ANKRD17: variants seen among roughly 807,000 people sequenced by gnomAD.
ANKRD17 encodes the protein ankyrin repeat domain 17.
A neutral mutation model predicts 229.7 loss-of-function variants in ANKRD17; 19 were observed. The observed-to-expected ratio is 0.08, with a 90% CI of 0.06 to 0.12. ANKRD17 has a LOEUF of 0.12. Among genes scored for constraint, ANKRD17 ranks in the 10% least tolerant of loss-of-function variants. The probability of loss-of-function intolerance (pLI) is 1.00; values close to 1 mark genes in which losing one functional copy is unlikely to be tolerated. For synonymous variants in ANKRD17, 1,112 were observed against 1,146.1 expected (o/e 0.97, Z 0.60); for missense variants, 2,176 against 3,176.8 (o/e 0.68, Z 7.57).
At chr4:73,180,372 C>A (rs1173637255) in intron 1 of ANKRD17, among the ~76,000 whole-genome samples, 1 of 152,106 alleles carries the variant, frequency 6.6e-6, no homozygotes, top group Admixed American at 6.6e-5. Flanking sequence ...GAAGTTAGAT[C>A]ACAGAAGATA....
intron 9 of ANKRD17, 145 bp from the exon 10 acceptor site, chr4:73,147,018 T>C (rs1021051515): frequency 7.5e-6 from 6 of 800,006 alleles, no homozygotes; most frequent in Non-Finnish European, 1.1e-5. Flanking sequence ...CAGAGAATAT[T>C]GTAGGCATTA....
intron 25 of ANKRD17, chr4:73,098,786 C>T: frequency 7.4e-7 from 1 of 1,349,004 alleles, no homozygotes. Context: ...GCCATTCCAG[C>T]CATCAATCTT....
chr4:73,258,365 C>T lies in ANKRD17; in HGVS notation c.304G>A (p.Gly102Ser). The T allele has an allele frequency of 1.9e-6, 3 of 1,567,930 alleles. No homozygotes were observed. The highest frequency in any genetic ancestry group is 1.7e-6 in the Non-Finnish European group (2 of 1,150,366). Residue 102 changes from glycine to serine, a missense_variant, in exon 1 of 34, where the codon GGT (glycine) becomes AGT (serine). Physicochemically the swap from Gly to Ser is moderately conservative, Grantham distance 56. Coordinates refer to ENST00000358602, the MANE Select transcript of ANKRD17 (RefSeq NM_032217.5). ...CCGCCGCCGCCACCTCCGCCTCCAC[C>T]GCCGCCTCCACCGCCGCCGCTGTTG... ...SDNSGGGGGG[G>S]GGGGGGGGTS...
At chr4:73,229,286 A>G (rs1742815823) in intron 1 of ANKRD17, among the ~76,000 whole-genome samples, 1 of 152,180 alleles carries the variant, frequency 6.6e-6, no homozygotes, top group Non-Finnish European at 1.5e-5. Flanking sequence ...GTATAATAAA[A>G]TAAAATAAAA....
intron 18 of ANKRD17, among the ~76,000 whole-genome samples, chr4:73,123,382 T>C (rs1727008907): frequency 6.6e-6 from 1 of 152,086 alleles, no homozygotes; most frequent in South Asian, 2.1e-4. Flanking sequence ...ATTTGGCTTA[T>C]AATACTTTTA....
At chr4:73,078,315 T>A (rs1040947670) in intron 31 of ANKRD17, among the ~76,000 whole-genome samples, 1 of 151,862 alleles carries the variant, frequency 6.6e-6, no homozygotes, top group Non-Finnish European at 1.5e-5. Context: ...AGGCGGAGCT[T>A]GCAGTGAGCA....
intron 22 of ANKRD17, among the ~76,000 whole-genome samples, chr4:73,117,896 A>G (rs1468436824): frequency 6.6e-6 from 1 of 152,236 alleles, no homozygotes; most frequent in Non-Finnish European, 1.5e-5. Flanking sequence ...TTTTACTTTC[A>G]CGGAATTTGT....
chr4:73,206,481 A>C (rs577842969), intron 1 of ANKRD17, among the ~76,000 whole-genome samples: 6 of 152,090 alleles, frequency 3.9e-5, no homozygotes, highest in African/African-American at 1.2e-4. Context: ...GCAGGCAGGG[A>C]GGGAGGGAAA....
chr4:73,149,506 C>T (rs1367844082), intron 7 of ANKRD17, among the ~76,000 whole-genome samples: 1 of 152,132 alleles, frequency 6.6e-6, no homozygotes, highest in Non-Finnish European at 1.5e-5. Context: ...AGGATACATG[C>T]TGTGTTAGGG....
chr4:73,128,961 T>G (rs757466622), intron 16 of ANKRD17, among the ~76,000 whole-genome samples: 23 of 152,334 alleles, frequency 1.5e-4, no homozygotes, highest in Non-Finnish European at 3.2e-4. Context: ...ATGGAAATAA[T>G]TATAATACAG....
chr4:73,139,394 A>T, intron 15 of ANKRD17, 137 bp downstream of exon 15: 1 of 996,018 alleles, frequency 1.0e-6, no homozygotes, highest in Admixed American at 2.9e-5. Context: ...TCTGAGATTG[A>T]ACTAATACTT....
At chr4:73,225,354 T>C (rs1015639725) in intron 1 of ANKRD17, among the ~76,000 whole-genome samples, 5 of 152,092 alleles carry the variant, frequency 3.3e-5, no homozygotes, top group African/African-American at 1.2e-4. Context: ...TGACAAGAAA[T>C]GGGGGCCCCT....
intron 2 of ANKRD17, among the ~76,000 whole-genome samples, chr4:73,174,136 A>AGGAAGGAAGGAAGGAG (rs1734418868): frequency 6.6e-6 from 1 of 151,634 alleles, no homozygotes; most frequent in Non-Finnish European, 1.5e-5. Flanking sequence ...GAAGGAAGGA[A>AGGAAGGAAGGAAGGAG]GGAAGAAAAC....
intron 1 of ANKRD17, among the ~76,000 whole-genome samples, chr4:73,202,567 A>G (rs1738822359): frequency 6.6e-6 from 1 of 152,168 alleles, no homozygotes; most frequent in South Asian, 2.1e-4. Context: ...ATAGGTATTT[A>G]GCAGAAAATC....
At chr4:73,252,467 A>G (rs1348721740) in intron 1 of ANKRD17, among the ~76,000 whole-genome samples, 6 of 152,322 alleles carry the variant, frequency 3.9e-5, no homozygotes, top group Non-Finnish European at 7.4e-5. Context: ...CTAAATCTGT[A>G]GTGAGAATGT....
intron 1 of ANKRD17, among the ~76,000 whole-genome samples, chr4:73,199,632 C>T (rs555094990): frequency 1.3e-4 from 20 of 152,132 alleles, no homozygotes; most frequent in Non-Finnish European, 2.4e-4. Context: ...CCCTCAGTCA[C>T]GGTCTGCCCC....
intron 28 of ANKRD17, among the ~76,000 whole-genome samples, chr4:73,093,069 G>A (rs1578021044): frequency 6.6e-6 from 1 of 152,292 alleles, no homozygotes. Flanking sequence ...AGAAGGAGAG[G>A]ACGATGAATA....
At chr4:73,116,341 A>G (rs929886524) in intron 22 of ANKRD17, among the ~76,000 whole-genome samples, 6 of 152,168 alleles carry the variant, frequency 3.9e-5, no homozygotes, top group Non-Finnish European at 7.4e-5. Context: ...CAGATAAAAA[A>G]CAAATGTATA....
intron 19 of ANKRD17, 102 bp from the exon 20 acceptor site, chr4:73,121,196 G>C (rs1726679473): frequency 9.3e-7 from 1 of 1,071,912 alleles, no homozygotes; most frequent in Non-Finnish European, 1.4e-6. Context: ...TATTTTGAAG[G>C]ATTGTTTAAA....
Sources: gnomAD v4.1 joint callset for allele counts (sites outside exome capture counted in the v4.1 genomes callset) on GRCh38, gnomAD v4.1.1 for gene constraint, MANE v1.5 for transcripts, NCBI Gene and HGNC (gene_info 2026-07-23, HGNC 2026-07-21) for gene names.